Variants in MED23 observed in about 807,000 individuals in gnomAD.
MED23 encodes the protein mediator of RNA polymerase II transcription subunit 23.
In MED23, 105 loss-of-function variants were observed where a neutral mutation model predicts 163.9. The observed-to-expected ratio is 0.64, with a 90% CI of 0.55 to 0.75. The LOEUF is 0.75. Ranked by LOEUF, MED23 falls within the 30% of genes least tolerant of loss-of-function variation. The pLI is 0.00. For missense variants in MED23, 1,054 were observed against 1,649.0 expected (o/e 0.64, Z 6.25); for synonymous variants, 561 against 565.6 (o/e 0.99, Z 0.12).
At chr6:131,591,132 C>T (rs1375145504) in intron 26 of MED23, among the ~76,000 whole-genome samples, 181 bp downstream of exon 26, 1 of 149,876 alleles carries the variant, frequency 6.7e-6, no homozygotes, top group Non-Finnish European at 1.5e-5. Context: ...AGGCACACAC[C>T]ACATGCCCAG....
chr6:131,598,887 G>A lies in MED23; in HGVS notation c.2221-126C>T. 1 of 798,704 alleles carries A rather than the reference G, an allele frequency of 1.3e-6. No homozygotes were observed. The highest frequency in any genetic ancestry group is 2.1e-5 in the Admixed American group (1 of 46,606). 49.5% of individuals were successfully genotyped at this position (798,704 alleles called of 1,614,324 possible). A position where few individuals can be genotyped will look rare whatever the true frequency, so the allele number is the denominator to read the frequency against. On this transcript the variant is annotated intron_variant, in intron 18 of 28. Coordinates refer to ENST00000368068, the MANE Select transcript of MED23 (RefSeq NM_004830.4). The surrounding 1 kb of genome is among the most constrained non-coding windows in gnomAD (Gnocchi z 4.7). The stretch of plus-strand genomic sequence containing the variant: ...ACTCTAGGTCACCTTGAGCAACTCA[G>A]CAATTAAGGCCTGAATTTCTGTGTC...
chr6:131,610,405 T>C (rs112287000), intron 10 of MED23, 159 bp from the exon 11 acceptor site: 17 of 726,950 alleles, frequency 2.3e-5, no homozygotes, highest in Non-Finnish European at 2.6e-5. Context: ...AGCTGCATCA[T>C]GTTATATTAT....
chr6:131,579,420 A>C, intron 30 of MED23: 1 of 984,590 alleles, frequency 1.0e-6, no homozygotes, highest in Non-Finnish European at 1.5e-6. Context: ...GCCTTTAAAA[A>C]AATTTTATAG....
At chr6:131,583,086 A>C, downstream of MED23, 1 of 1,613,662 alleles carries the variant, frequency 6.2e-7, no homozygotes, top group Non-Finnish European at 8.5e-7. Flanking sequence ...CTAGGCATTA[A>C]ATACTTTTCA....
At chr6:131,590,615 T>C (rs1036982177) in intron 26 of MED23, among the ~76,000 whole-genome samples, 173 bp from the exon 27 acceptor site, 1 of 152,208 alleles carries the variant, frequency 6.6e-6, no homozygotes, top group Non-Finnish European at 1.5e-5. Flanking sequence ...GCTATTACTT[T>C]CACTTGATTA....
Position 131,594,252 on chromosome 6 carries a change from C to A in MED23, c.3079G>T (p.Val1027Phe). The change falls in exon 23 of 29, where the codon GTC (valine) becomes TTC (phenylalanine). Residue 1027 changes from valine to phenylalanine, a missense_variant. By Grantham distance (50) the Val-to-Phe change is conservative. Around this residue, in one of 11 missense-constraint regions of MED23, gnomAD observed 362 missense variants for 471.6 expected, o/e 0.77. Coordinates refer to ENST00000368068, the MANE Select transcript of MED23 (RefSeq NM_004830.4). ...TTCAGAGAGCCAATGATCGCATGGA[C>A]GAGTTTTCGTTTGAGAAATGCGCGG... ...RDRAFLKRKL[V>F]HAIIGSLKDN... is the part of the protein sequence containing the mutation. 1 of 1,614,114 alleles carries A rather than the reference C, an allele frequency of 6.2e-7. No individual in the cohort carries two copies. Among genetic ancestry groups the A allele is most frequent in the South Asian group, 1.1e-5 (1 of 91,082 alleles).
At chr6:131,602,102 G>A in intron 17 of MED23, 116 bp downstream of exon 17, 1 of 1,188,504 alleles carries the variant, frequency 8.4e-7, no homozygotes, top group Non-Finnish European at 1.2e-6. Flanking sequence ...AAAACAACAG[G>A]CTTTTTTCAA....
chr6:131,613,473 G>C (rs188999122), intron 10 of MED23, among the ~76,000 whole-genome samples: 3 of 152,268 alleles, frequency 2.0e-5, no homozygotes, highest in Non-Finnish European at 4.4e-5. Context: ...GAAAGGACAA[G>C]AAAGTATAGT....
At chr6:131,586,317 G>A (rs535029278), downstream of MED23, among the ~76,000 whole-genome samples, 37 of 151,806 alleles carry the variant, frequency 2.4e-4, no homozygotes, top group African/African-American at 8.4e-4. Context: ...GGAGAATGGC[G>A]TGAACCCGGG....
rs898799350 is a variant in MED23, at chr6:131,587,562, G to C, written c.*117C>G. The C allele has an allele frequency of 6.5e-7, 1 of 1,549,922 alleles. No individual in the cohort carries two copies. The highest frequency in any genetic ancestry group is 1.4e-5 in the African/African-American group (1 of 73,576). On this transcript the variant is annotated 3_prime_UTR_variant, in exon 29 of 29. Transcript: ENST00000368068. ...CATTTGAATCAAAATAAAACAATCT[G>C]AATATCATCACTGCTTCTACTATAT...
chr6:131,584,931 G>A (rs150835938), downstream of MED23, among the ~76,000 whole-genome samples: 914 of 150,548 alleles, frequency 6.1e-3, 5 homozygotes, highest in Non-Finnish European at 9.3e-3. Flanking sequence ...CCCAGGAGAC[G>A]GAAGTTGCAG....
At chr6:131,583,870 A>C, downstream of MED23, 1 of 1,614,152 alleles carries the variant, frequency 6.2e-7, no homozygotes. Context: ...TCGGGAGGGT[A>C]ATCACAAGCC....
At chr6:131,613,914 A>AT (rs1437865947) in intron 10 of MED23, among the ~76,000 whole-genome samples, 1 of 152,166 alleles carries the variant, frequency 6.6e-6, no homozygotes, top group African/African-American at 2.4e-5. Context: ...ATAGCTAAGG[A>AT]TATCTGGGGG....
chr6:131,582,064 CT>C (rs1773955128), downstream of MED23, among the ~76,000 whole-genome samples: 1 of 152,028 alleles, frequency 6.6e-6, no homozygotes, highest in African/African-American at 2.4e-5. Flanking sequence ...ATATTTGGTC[CT>C]TATGATGATA....
In MED23 at chr6:131,579,005, C is replaced by T. The variant is rs55706510; in HGVS notation, c.4096-4710G>A. 150,798 of 1,324,216 alleles carry T rather than the reference C, an allele frequency of 0.11. 9,482 individuals carry two copies. Among genetic ancestry groups the T allele is most frequent in the Middle Eastern group, 0.2 (951 of 4,820 alleles). The allele number at this position is 1,324,216 out of a possible 1,614,324, so 82.0% of individuals were successfully genotyped here. A position where few individuals can be genotyped will look rare whatever the true frequency, so the allele number is the denominator to read the frequency against. On this transcript the variant is annotated intron_variant, in intron 30 of 30. Transcript: ENST00000354577. ...ACAGACCTTTCAGGTTTTTCCTTTG[C>T]TTATACTTGTGAATATATGCCTATT... is the stretch of plus-strand genomic sequence containing the variant.
intron 30 of MED23, among the ~76,000 whole-genome samples, chr6:131,574,787 C>G (rs1200109979): frequency 1.3e-5 from 2 of 152,162 alleles, no homozygotes; most frequent in African/African-American, 2.4e-5. Flanking sequence ...CCTTGAAAGG[C>G]TTGCAAGGCA....
In MED23 at chr6:131,593,091, G is replaced by C. The variant is rs762719385; in HGVS notation, c.3313C>G (p.Leu1105Val). 4 of 1,614,206 alleles carry C rather than the reference G, an allele frequency of 2.5e-6. No individual in the cohort carries two copies. Among genetic ancestry groups the C allele is most frequent in the Non-Finnish European group, 3.4e-6 (4 of 1,180,026 alleles). ...ATGAGCTCCACACAAGTAACATGGAGAGCATGGGCAGCTGGGTTGGGAAAC... is the reference window on the plus strand; with the variant it reads ...ATGAGCTCCACACAAGTAACATGGACAGCATGGGCAGCTGGGTTGGGAAAC... ...NEFPNPAAHA[L>V]HVTCVELMAL... Residue 1105 changes from leucine (L) to valine (V), a missense_variant, in exon 24 of 29, where the codon CTC becomes GTC. Around this residue, in one of 11 missense-constraint regions of MED23, gnomAD observed 362 missense variants for 471.6 expected, o/e 0.77. Coordinates refer to ENST00000368068, the MANE Select transcript of MED23 (RefSeq NM_004830.4).
Position 131,579,116 on chromosome 6 carries a change from G to A in MED23, c.4096-4821C>T, listed in dbSNP as rs1773782658. On this transcript the variant is annotated intron_variant, in intron 30 of 30. Transcript: ENST00000354577. Reference sequence around the variant, plus strand: ...TCAAAACTTTTTAATTTTAGAGTGTGATGTGAAGGATTATGGGGACCTGCC... The same window carrying A: ...TCAAAACTTTTTAATTTTAGAGTGTAATGTGAAGGATTATGGGGACCTGCC... 1.2e-6 allele frequency: 2 copies of A among 1,614,120 alleles called. No homozygotes were observed. The highest frequency in any genetic ancestry group is 8.5e-7 in the Non-Finnish European group (1 of 1,179,996).
At position 131,594,116 on chromosome 6, in the gene MED23, A is replaced by G; in HGVS notation, c.3215T>C (p.Ile1072Thr). The change falls in exon 23 of 29, where the codon ATT becomes ACT. Residue 1072 changes from isoleucine (I) to threonine (T), a missense_variant. By Grantham distance (89) the Ile-to-Thr change is moderately conservative. Transcript: ENST00000368068. ...VPDDTYYCRL[I>T]GRLVDTMAGK... is the part of the protein sequence containing the mutation. ...AAGGATATTATCGACTAGTCTGCCAATCAATCTGCAATAGTAGGTGTCATC... is the reference window on the plus strand; with the variant it reads ...AAGGATATTATCGACTAGTCTGCCAGTCAATCTGCAATAGTAGGTGTCATC... The G allele has an allele frequency of 1.2e-6, 2 of 1,613,826 alleles. No homozygotes were observed. The highest frequency in any genetic ancestry group is 1.7e-6 in the Non-Finnish European group (2 of 1,179,740).
Sources: allele counts gnomAD v4.1 joint callset (sites outside exome capture counted in the v4.1 genomes callset), GRCh38; gene constraint gnomAD v4.1.1; regional missense constraint gnomAD v4.1.1; non-coding constraint Gnocchi (gnomAD v3.1); transcripts MANE v1.5; gene names NCBI Gene and HGNC (gene_info 2026-07-23, HGNC 2026-07-21).